TRPC6: variants seen among roughly 807,000 people sequenced by gnomAD.
The protein encoded by TRPC6 is short transient receptor potential channel 6.
TRPC6 carries 55 observed loss-of-function variants against 90.7 expected under a neutral mutation model. The ratio of observed to expected loss-of-function variants is 0.61; its 90% CI spans 0.49 to 0.76. The LOEUF (loss-of-function observed/expected upper bound fraction) is 0.76. Among genes scored for constraint, TRPC6 ranks in the 30% least tolerant of loss-of-function variants. TRPC6 has a pLI of 0.00. For missense variants in TRPC6, 989 were observed against 1,122.7 expected, an observed-to-expected ratio of 0.88 and a Z score of 1.70; for synonymous variants, 393 against 393.0, an observed-to-expected ratio of 1.00 and a Z score of 0.00.
At chr11:101,545,390 C>T (rs1861279463) in intron 1 of TRPC6, among the ~76,000 whole-genome samples, 1 of 152,038 alleles carries the variant, frequency 6.6e-6, no homozygotes, top group Admixed American at 6.6e-5. Flanking sequence ...CTTAAGCATC[C>T]ATATATTTTG....
intron 12 of TRPC6, 113 bp downstream of exon 12, chr11:101,453,537 C>G: frequency 9.7e-7 from 1 of 1,034,554 alleles, no homozygotes; most frequent in Non-Finnish European, 1.5e-6. Context: ...TTCTACTTTT[C>G]CCCTTGAAGT....
chr11:101,501,122 T>TACAC (rs1860111462), intron 2 of TRPC6, among the ~76,000 whole-genome samples: 1 of 149,448 alleles, frequency 6.7e-6, no homozygotes, highest in South Asian at 2.1e-4. Context: ...CATACATACA[T>TACAC]ACATACATAC....
intron 1 of TRPC6, among the ~76,000 whole-genome samples, chr11:101,577,016 CAA>C (rs1862084741): frequency 6.6e-6 from 1 of 152,110 alleles, no homozygotes. Context: ...TACAGAGCTT[CAA>C]AGTCATCAGC....
intron 1 of TRPC6, among the ~76,000 whole-genome samples, chr11:101,515,929 A>T (rs1413734031): frequency 6.6e-6 from 1 of 152,252 alleles, no homozygotes; most frequent in African/African-American, 2.4e-5. Flanking sequence ...AGTTTTTACT[A>T]TGACCAAATA....
chr11:101,547,511 AAGG>A (rs60188740), intron 1 of TRPC6, among the ~76,000 whole-genome samples: 15,577 of 152,226 alleles, frequency 0.1, 903 homozygotes, highest in Middle Eastern at 0.14. Flanking sequence ...GGTTCAAACT[AAGG>A]AGAACTTACA....
chr11:101,456,534 A>G (rs907219226), intron 10 of TRPC6, among the ~76,000 whole-genome samples: 1 of 152,140 alleles, frequency 6.6e-6, no homozygotes, highest in Non-Finnish European at 1.5e-5. Context: ...CCATCTATTC[A>G]TTAACTCACC....
intron 3 of TRPC6, among the ~76,000 whole-genome samples, chr11:101,490,801 G>A (rs1859786573): frequency 6.6e-6 from 1 of 152,086 alleles, no homozygotes; most frequent in Non-Finnish European, 1.5e-5. Flanking sequence ...GCAGAGAATG[G>A]GGCCAGTGCT....
At chr11:101,532,654 T>G (rs1051580352) in intron 1 of TRPC6, among the ~76,000 whole-genome samples, 1 of 152,116 alleles carries the variant, frequency 6.6e-6, no homozygotes, top group Non-Finnish European at 1.5e-5. Flanking sequence ...AAAGTGTGAC[T>G]CCAGCCCTCA....
intron 1 of TRPC6, among the ~76,000 whole-genome samples, chr11:101,566,697 G>A (rs1384743505): frequency 6.6e-6 from 1 of 152,136 alleles, no homozygotes; most frequent in African/African-American, 2.4e-5. Context: ...CATCTCACTG[G>A]GACAGGTTGG....
chr11:101,462,671 C>A (rs10895112), intron 10 of TRPC6, among the ~76,000 whole-genome samples: 1 of 151,998 alleles, frequency 6.6e-6, no homozygotes. Flanking sequence ...CCTGAGACTT[C>A]GCTGAAGTTG....
At chr11:101,538,609 T>C (rs1861105363) in intron 1 of TRPC6, among the ~76,000 whole-genome samples, 1 of 152,194 alleles carries the variant, frequency 6.6e-6, no homozygotes, top group East Asian at 1.9e-4. Flanking sequence ...TCTGGAGATA[T>C]TTTCCTGGAT....
rs192759166 is a variant in TRPC6 at position 101,583,863 on chromosome 11, A to G, written c.-360T>C. 6.3e-5 allele frequency: 14 copies of G among 222,590 alleles called. No homozygotes were observed. The highest frequency in any genetic ancestry group is 1.0e-4 in the Non-Finnish European group (12 of 114,738). 13.8% of individuals were successfully genotyped at this position (222,590 alleles called of 1,614,324 possible). A position where few individuals can be genotyped will look rare whatever the true frequency, so the allele number is the denominator to read the frequency against. ...AGGGAGACGGAGCTGAAGAGTTACT[A>G]TGTCAACAGAGACTCTCCAGCCCTC... On this transcript the variant is annotated 5_prime_UTR_variant, in exon 1 of 13. Transcript: ENST00000344327.
chr11:101,508,859 A>AT (rs982720818), intron 1 of TRPC6, among the ~76,000 whole-genome samples: 15 of 151,896 alleles, frequency 9.9e-5, no homozygotes, highest in African/African-American at 3.4e-4. Context: ...AACAAGCTCC[A>AT]TTTTTTTTCA....
At chr11:101,573,958 A>ATGTGTGTGTGTGTGTGTATGTT (rs1275666976) in intron 1 of TRPC6, among the ~76,000 whole-genome samples, 1 of 104,364 alleles carries the variant, frequency 9.6e-6, no homozygotes, top group Admixed American at 1.0e-4. Flanking sequence ...GTGTGTGTGT[A>ATGTGTGTGTGTGTGTGTATGTT]TGTGTGTGTG....
rs144085223 is a variant in TRPC6, at chr11:101,489,018, C to T, written c.1212G>A (p.Ala404=). ...NLSGLRQQTM[A]VKFLVVLAVA... ...CAGCAAGGACCACAAGGAACTTGAC[C>T]GCCATTGTCTGCTGTCGTAAACCAG... Residue 404 remains alanine (A), a synonymous_variant, in exon 4 of 13, where the codon GCG becomes GCA. Transcript: ENST00000344327. 5.5e-5 allele frequency: 89 copies of T among 1,614,112 alleles called. 1 individual carries two copies. In the African/African-American group the frequency reaches 6.9e-4, roughly 13 times the overall value.
chr11:101,477,602 G>C (rs1342237485), intron 5 of TRPC6, among the ~76,000 whole-genome samples: 1 of 152,120 alleles, frequency 6.6e-6, no homozygotes, highest in Non-Finnish European at 1.5e-5. Flanking sequence ...CTGGATTTGA[G>C]ATCAGGCTAC....
chr11:101,558,953 T>C (rs775577981), intron 1 of TRPC6, among the ~76,000 whole-genome samples: 2 of 152,024 alleles, frequency 1.3e-5, no homozygotes, highest in Non-Finnish European at 2.9e-5. Flanking sequence ...ACAACATTGA[T>C]CTAGGCAATG....
intron 1 of TRPC6, among the ~76,000 whole-genome samples, chr11:101,517,882 G>A (rs191724294): frequency 6.6e-6 from 1 of 152,274 alleles, no homozygotes; most frequent in East Asian, 1.9e-4. Flanking sequence ...TTCTGGTCCT[G>A]TTAAGGAGAA....
chr11:101,503,901 T>C (rs1246361401), intron 2 of TRPC6, 123 bp downstream of exon 2: 2 of 1,237,158 alleles, frequency 1.6e-6, no homozygotes, highest in Non-Finnish European at 2.4e-6. Context: ...GCTTGTTGAA[T>C]AAACTTATAA....
Sources: gnomAD v4.1 joint callset for allele counts (sites outside exome capture counted in the v4.1 genomes callset) on GRCh38, gnomAD v4.1.1 for gene constraint, MANE v1.5 for transcripts, NCBI Gene and HGNC (gene_info 2026-07-23, HGNC 2026-07-21) for gene names.